The following FER1L6 variants were observed in gnomAD, a reference collection of about 807,000 sequenced individuals.
FER1L6 encodes the protein fer-1-like protein 6.
Under a neutral mutation model 219.2 loss-of-function variants are expected in FER1L6, and 177 were observed. The observed-to-expected ratio is 0.81, with a 90% confidence interval of 0.71 to 0.91. FER1L6 has a LOEUF of 0.91. Among genes scored for constraint, FER1L6 ranks in the 40% least tolerant of loss-of-function variants. The probability of loss-of-function intolerance (pLI) is 0.00; values close to 1 mark genes in which losing one functional copy is unlikely to be tolerated. For missense variants in FER1L6, 2,153 were observed against 2,259.9 expected (o/e 0.95, Z 0.96); for synonymous variants, 768 against 824.3 (o/e 0.93, Z 1.17).
intron 1 of FER1L6, among the ~76,000 whole-genome samples, chr8:123,943,085 G>A (rs1814328457): frequency 1.3e-5 from 2 of 152,210 alleles, no homozygotes; most frequent in Admixed American, 6.5e-5. Context: ...TGTACATTGA[G>A]TACAATAACA....
chr8:124,091,782 C>T (rs1474435977), intron 34 of FER1L6, among the ~76,000 whole-genome samples, 199 bp downstream of exon 34: 2 of 151,778 alleles, frequency 1.3e-5, no homozygotes, highest in African/African-American at 4.8e-5. Context: ...GCCTGGCCAA[C>T]ATGGTGAAAC....
At position 124,092,487 on chromosome 8, in the gene FER1L6, G is replaced by A. The variant is rs78758622; in HGVS notation, c.4552+904G>A. Among the ~76,000 whole-genome samples the A allele has an allele frequency of 1.6e-3, 239 of 152,126 alleles. 2 individuals are homozygous for A. In the East Asian group the frequency reaches 0.017, roughly 11 times the overall value. ...AACTATCCTATTTTAACACCAAGTC[G>A]TAGATTTTCCACATGAACATCCTGG... On this transcript the variant is annotated intron_variant, in intron 34 of 40. Transcript: ENST00000522917.
chr8:123,990,096 G>C (rs914198294), intron 12 of FER1L6, among the ~76,000 whole-genome samples: 1 of 152,000 alleles, frequency 6.6e-6, no homozygotes, highest in African/African-American at 2.4e-5. Flanking sequence ...GTGAAACCCC[G>C]TCTCTACTAA....
At chr8:123,886,680 C>T (rs879729848) in intron 1 of FER1L6, among the ~76,000 whole-genome samples, 15 of 152,260 alleles carry the variant, frequency 9.9e-5, no homozygotes, top group African/African-American at 2.6e-4. Context: ...AATTTCAAAT[C>T]GTCTCAGCCC....
At chr8:124,035,125 A>C in intron 18 of FER1L6, 152 bp from the exon 19 acceptor site, 1 of 759,846 alleles carries the variant, frequency 1.3e-6, no homozygotes. Flanking sequence ...AATTGGGGCC[A>C]TTGTCTTTAT....
chr8:123,915,894 A>G (rs1363444254), intron 1 of FER1L6, among the ~76,000 whole-genome samples: 1 of 152,224 alleles, frequency 6.6e-6, no homozygotes, highest in African/African-American at 2.4e-5. Flanking sequence ...AGGTATAGAC[A>G]GCGTGAGTAA....
rs1816137774 is a variant in FER1L6, at chr8:123,977,510, A to G, written c.964A>G (p.Lys322Glu). 12 of 1,614,110 alleles carry G rather than the reference A, an allele frequency of 7.4e-6. No homozygotes were observed. Among genetic ancestry groups the G allele is most frequent in the Non-Finnish European group, 9.3e-6 (11 of 1,179,998 alleles). The change falls in exon 10 of 41, where the codon AAA becomes GAA. Residue 322 changes from lysine to glutamate, a missense_variant. Transcript: ENST00000522917. ...EMFPPLCRRVKIQVWDEGSMN... is the reference protein window; with the variant it reads ...EMFPPLCRRVEIQVWDEGSMN... Reference sequence around the variant, plus strand: ...GTTCCCTCCCTTGTGTCGGAGGGTGAAAATCCAGGTGTGGGATGAAGGCAG... The same window carrying G: ...GTTCCCTCCCTTGTGTCGGAGGGTGGAAATCCAGGTGTGGGATGAAGGCAG...
At chr8:124,080,396 C>T (rs571982291) in intron 32 of FER1L6, among the ~76,000 whole-genome samples, 1 of 152,074 alleles carries the variant, frequency 6.6e-6, no homozygotes, top group Non-Finnish European at 1.5e-5. Context: ...TGGCTCACTG[C>T]AACCTCCACC....
chr8:124,107,749 T>C (rs1586351765), intron 39 of FER1L6, among the ~76,000 whole-genome samples: 1 of 151,678 alleles, frequency 6.6e-6, no homozygotes, highest in Non-Finnish European at 1.5e-5. Flanking sequence ...CAATGCAGAG[T>C]TTTTCTGCTT....
intron 1 of FER1L6, among the ~76,000 whole-genome samples, chr8:123,931,956 A>C (rs947666100): frequency 6.6e-6 from 1 of 152,210 alleles, no homozygotes; most frequent in African/African-American, 2.4e-5. Flanking sequence ...AAGAAATCTT[A>C]TCTGTAACAG....
chr8:124,019,439 T>C (rs1818358127), intron 16 of FER1L6, among the ~76,000 whole-genome samples: 1 of 152,252 alleles, frequency 6.6e-6, no homozygotes, highest in Non-Finnish European at 1.5e-5. Context: ...ATGTATTGTT[T>C]TCACCTCGCC....
chr8:123,968,420 C>A (rs1815654907), intron 5 of FER1L6, among the ~76,000 whole-genome samples: 1 of 152,076 alleles, frequency 6.6e-6, no homozygotes, highest in Admixed American at 6.6e-5. Context: ...TTAGTTGGAG[C>A]TGGGGAATAT....
At chr8:124,030,564 G>A (rs1338537941) in intron 18 of FER1L6, among the ~76,000 whole-genome samples, 1 of 152,070 alleles carries the variant, frequency 6.6e-6, no homozygotes, top group African/African-American at 2.4e-5. Context: ...AGAGCCCAGA[G>A]GGTGGCGCTC....
chr8:124,061,803 C>A (rs754773250), intron 24 of FER1L6, 49 bp from the exon 25 acceptor site: 8 of 1,592,286 alleles, frequency 5.0e-6, no homozygotes, highest in Non-Finnish European at 4.3e-6. Flanking sequence ...TTGGGTCTGC[C>A]CATGGAAGGG....
chr8:123,942,093 A>G (rs1021795669), intron 1 of FER1L6, among the ~76,000 whole-genome samples: 1 of 152,064 alleles, frequency 6.6e-6, no homozygotes, highest in Non-Finnish European at 1.5e-5. Flanking sequence ...ATGTCTTTTT[A>G]TGATACATAG....
At chr8:123,944,964 C>T (rs550323589) in intron 1 of FER1L6, among the ~76,000 whole-genome samples, 14 of 152,254 alleles carry the variant, frequency 9.2e-5, no homozygotes, top group Admixed American at 3.3e-4. Flanking sequence ...GGGAGTGTTG[C>T]GTCATATTTA....
chr8:124,103,006 C>T, intron 38 of FER1L6, 140 bp from the exon 39 acceptor site: 1 of 783,668 alleles, frequency 1.3e-6, no homozygotes, highest in Non-Finnish European at 2.1e-6. Flanking sequence ...CAATACCTAG[C>T]ACATAGTTGT....
intron 34 of FER1L6, among the ~76,000 whole-genome samples, chr8:124,093,694 A>G (rs1244045654): frequency 1.8e-5 from 1 of 56,302 alleles, no homozygotes; most frequent in African/African-American, 5.2e-5. Flanking sequence ...ATTAACAAAG[A>G]TTTATTCATT....
At chr8:123,948,205 A>G (rs569906166) in intron 1 of FER1L6, among the ~76,000 whole-genome samples, 67 of 152,342 alleles carry the variant, frequency 4.4e-4, no homozygotes, top group African/African-American at 1.5e-3. Flanking sequence ...CATTTTACAA[A>G]TGAAGAAACT....
Sources: allele counts gnomAD v4.1 joint callset (sites outside exome capture counted in the v4.1 genomes callset), GRCh38; gene constraint gnomAD v4.1.1; transcripts MANE v1.5; gene names NCBI Gene and HGNC (gene_info 2026-07-23, HGNC 2026-07-21).